LRFN5: variants seen among roughly 807,000 people sequenced by gnomAD.
LRFN5 encodes the protein leucine rich repeat and fibronectin type III domain containing 5, also known as leucine-rich repeat and fibronectin type-III domain-containing protein 5.
LRFN5 carries 24 observed loss-of-function variants against 45.6 expected under a neutral mutation model. The ratio of observed to expected loss-of-function variants is 0.53; its 90% CI spans 0.38 to 0.74. The LOEUF is 0.74. Ranked by LOEUF, LRFN5 falls within the 30% of genes least tolerant of loss-of-function variation. The pLI is 0.00. For missense variants in LRFN5, 776 were observed against 861.5 expected (o/e 0.90, Z 1.24); for synonymous variants, 340 against 313.8 (o/e 1.08, Z -0.88).
chr14:41,794,198 C>T (rs1594715341), intron 2 of LRFN5, among the ~76,000 whole-genome samples: 1 of 152,024 alleles, frequency 6.6e-6, no homozygotes, highest in African/African-American at 2.4e-5. Context: ...TTATTCATTA[C>T]TATATGTCAT....
chr14:41,892,713 G>A lies in LRFN5; in HGVS notation c.2098+751G>A, dbSNP rs182042738. 9.0e-4 allele frequency: 886 copies of A among 985,262 alleles called. 20 individuals are homozygous for A. In the Admixed American group the frequency reaches 0.047, roughly 52 times the overall value. 61.0% of individuals were successfully genotyped at this position (985,262 alleles called of 1,614,324 possible). A position where few individuals can be genotyped will look rare whatever the true frequency, so the allele number is the denominator to read the frequency against. ...TCTAAACAACATCCTTGGTGCAGGT[G>A]CCTTAATGGTTGTAAGATATTTCTC... On this transcript the variant is annotated intron_variant, in intron 4 of 5. Transcript: ENST00000298119.
chr14:41,684,785 G>A (rs1463456129), intron 1 of LRFN5, among the ~76,000 whole-genome samples: 2 of 152,098 alleles, frequency 1.3e-5, no homozygotes, highest in Non-Finnish European at 2.9e-5. Context: ...GCAACCAAAG[G>A]AAAAATTGTC....
intron 1 of LRFN5, among the ~76,000 whole-genome samples, chr14:41,657,990 G>A (rs993015771): frequency 1.3e-5 from 2 of 150,862 alleles, no homozygotes; most frequent in East Asian, 1.9e-4. Context: ...TTAAATTCAT[G>A]TGTATTCTAC....
intron 1 of LRFN5, among the ~76,000 whole-genome samples, chr14:41,721,542 A>T (rs1883713515): frequency 6.6e-6 from 1 of 152,120 alleles, no homozygotes; most frequent in East Asian, 1.9e-4. Flanking sequence ...CTCCCTTAAG[A>T]ATCTTCTTTA....
At chr14:41,779,045 G>A (rs1886391943) in intron 2 of LRFN5, among the ~76,000 whole-genome samples, 1 of 151,714 alleles carries the variant, frequency 6.6e-6, no homozygotes, top group South Asian at 2.1e-4. Context: ...CTGTTAATAG[G>A]AATGCTGAGA....
rs183805511 is a variant in LRFN5 at position 41,768,222 on chromosome 14, A to G, written c.-21+1193A>G. Among the ~76,000 whole-genome samples, 303 of 152,290 alleles carry G rather than the reference A, an allele frequency of 2.0e-3. 2 individuals are homozygous for G. Among genetic ancestry groups the G allele is most frequent in the South Asian group, 6.8e-3 (33 of 4,826 alleles). On this transcript the variant is annotated intron_variant, in intron 2 of 5. Coordinates refer to ENST00000298119, the MANE Select transcript of LRFN5 (RefSeq NM_152447.5). Reference sequence around the variant, plus strand: ...GTAGTTAAGAATTTATATCTGAATCATGATGTATCTAATTATATAACATTT... The same window carrying G: ...GTAGTTAAGAATTTATATCTGAATCGTGATGTATCTAATTATATAACATTT...
chr14:41,734,224 C>A (rs564212409), intron 1 of LRFN5, among the ~76,000 whole-genome samples: 57 of 141,172 alleles, frequency 4.0e-4, no homozygotes, highest in Middle Eastern at 3.8e-3. Flanking sequence ...GTTGGCCAGG[C>A]TGGTCTTGAA....
intron 1 of LRFN5, among the ~76,000 whole-genome samples, chr14:41,747,697 T>C (rs530481596): frequency 2.4e-4 from 36 of 152,032 alleles, no homozygotes; most frequent in African/African-American, 7.9e-4. Context: ...TTAAAGTGCA[T>C]AGAAGATACT....
chr14:41,772,013 G>A (rs1320275921), intron 2 of LRFN5, among the ~76,000 whole-genome samples: 1 of 152,180 alleles, frequency 6.6e-6, no homozygotes, highest in Admixed American at 6.5e-5. Context: ...AGGAAGTATG[G>A]CGTCAGCATC....
chr14:41,881,325 A>AT (rs1022893775), intron 2 of LRFN5, among the ~76,000 whole-genome samples: 1 of 151,520 alleles, frequency 6.6e-6, no homozygotes, highest in African/African-American at 2.4e-5. Flanking sequence ...AGAGTATAGG[A>AT]TTTTTTCTTT....
At chr14:41,775,806 A>G (rs1196889150) in intron 2 of LRFN5, among the ~76,000 whole-genome samples, 1 of 152,242 alleles carries the variant, frequency 6.6e-6, no homozygotes, top group Non-Finnish European at 1.5e-5. Context: ...ATGTAATTTT[A>G]AATTAATGTT....
chr14:41,901,547 T>C lies in LRFN5; in HGVS notation c.2142+2587T>C, dbSNP rs549466552. The stretch of plus-strand genomic sequence containing the variant: ...ATAATTGCTTCTTGATTTTAATAAA[T>C]TTAACTTGCGATTAGTCCACATTTA... On this transcript the variant is annotated intron_variant, in intron 5 of 5. Transcript: ENST00000298119. Among the ~76,000 whole-genome samples, 3 of 152,118 alleles carry C rather than the reference T, an allele frequency of 2.0e-5. No homozygotes were observed. The South Asian group carries it at 6.2e-4, about 32-fold the overall frequency.
chr14:41,879,143 T>C (rs1187751247), intron 2 of LRFN5, among the ~76,000 whole-genome samples: 1 of 152,068 alleles, frequency 6.6e-6, no homozygotes, highest in Non-Finnish European at 1.5e-5. Flanking sequence ...ATATGTTGCC[T>C]GATGATAAAA....
chr14:41,856,689 T>TTTTTTTTTTTTA (rs1313195399), intron 2 of LRFN5, among the ~76,000 whole-genome samples: 1 of 95,606 alleles, frequency 1.0e-5, no homozygotes, highest in Non-Finnish European at 2.2e-5. Flanking sequence ...TTTTTTTTTT[T>TTTTTTTTTTTTA]TTTTTGAGAC....
intron 1 of LRFN5, among the ~76,000 whole-genome samples, chr14:41,729,483 A>C (rs1884077307): frequency 1.3e-5 from 2 of 152,142 alleles, no homozygotes; most frequent in African/African-American, 4.8e-5. Context: ...ATTTCTTTAT[A>C]AATTTACCAG....
chr14:41,899,712 A>C (rs2139178360), intron 5 of LRFN5, among the ~76,000 whole-genome samples: 1 of 152,264 alleles, frequency 6.6e-6, no homozygotes, highest in East Asian at 1.9e-4. Context: ...GCTGGTAGTA[A>C]AAATAGGGTC....
At chr14:41,900,282 T>C (rs543140075) in intron 5 of LRFN5, among the ~76,000 whole-genome samples, 30 of 152,186 alleles carry the variant, frequency 2.0e-4, no homozygotes, top group African/African-American at 6.7e-4. Context: ...CTACGTAAGT[T>C]TTCAATTACC....
intron 1 of LRFN5, among the ~76,000 whole-genome samples, chr14:41,640,414 A>G (rs1879522246): frequency 6.6e-6 from 1 of 152,100 alleles, no homozygotes; most frequent in Admixed American, 6.6e-5. Context: ...GTAGCTCTAC[A>G]TGGAAGGCAA....
chr14:41,638,226 T>C (rs1485381808), intron 1 of LRFN5, among the ~76,000 whole-genome samples: 1 of 151,892 alleles, frequency 6.6e-6, no homozygotes, highest in African/African-American at 2.4e-5. Flanking sequence ...ACTTTGAAAA[T>C]GTCAATATAT....
Sources: allele counts gnomAD v4.1 joint callset (sites outside exome capture counted in the v4.1 genomes callset), GRCh38; gene constraint gnomAD v4.1.1; transcripts MANE v1.5; gene names NCBI Gene and HGNC (gene_info 2026-07-23, HGNC 2026-07-21).